Variants in PDZD2 observed in about 807,000 individuals in gnomAD.
PDZD2 encodes the protein PDZ domain containing 2, also known as PDZ domain-containing protein 2.
Under a neutral mutation model 220.7 loss-of-function variants are expected in PDZD2, and 90 were observed. The ratio of observed to expected loss-of-function variants is 0.41; its 90% confidence interval spans 0.34 to 0.49. PDZD2 has a LOEUF of 0.49. Among genes scored for constraint, PDZD2 ranks in the 20% least tolerant of loss-of-function variants. The probability of loss-of-function intolerance (pLI) is 0.28; values close to 1 mark genes in which losing one functional copy is unlikely to be tolerated. For missense variants in PDZD2, 3,174 were observed against 3,608.5 expected (o/e 0.88, Z 3.08); for synonymous variants, 1,375 against 1,450.5 (o/e 0.95, Z 1.18).
intron 6 of PDZD2, among the ~76,000 whole-genome samples, chr5:32,024,086 A>T (rs149342198): frequency 1.2e-3 from 181 of 152,324 alleles, no homozygotes; most frequent in African/African-American, 4.0e-3. Context: ...ATTCTGCTTC[A>T]TGATTGCCCC....
chr5:31,682,026 C>T (rs1746671025), intron 1 of PDZD2, among the ~76,000 whole-genome samples: 1 of 152,136 alleles, frequency 6.6e-6, no homozygotes, highest in South Asian at 2.1e-4. Flanking sequence ...TGGAACATCG[C>T]ATTCTTTCTT....
intron 1 of PDZD2, among the ~76,000 whole-genome samples, chr5:31,752,089 T>TTTTTTTTTTTTTTTTTTTTG (rs1169621744): frequency 1.4e-5 from 2 of 141,102 alleles, no homozygotes; most frequent in Non-Finnish European, 1.5e-5. Flanking sequence ...TTTTTTTTTT[T>TTTTTTTTTTTTTTTTTTTTG]TCTGAGACAA....
intron 1 of PDZD2, among the ~76,000 whole-genome samples, chr5:31,769,330 C>T (rs910291718): frequency 6.6e-6 from 1 of 152,236 alleles, no homozygotes; most frequent in African/African-American, 2.4e-5. Context: ...GGACCTGTTT[C>T]ACCTCACTGA....
At chr5:31,698,818 G>A (rs1747489724) in intron 1 of PDZD2, among the ~76,000 whole-genome samples, 1 of 152,210 alleles carries the variant, frequency 6.6e-6, no homozygotes. Flanking sequence ...GGAAGTACCT[G>A]CAGATTCGGG....
rs1030071976 is a variant in PDZD2, at chr5:32,089,148, C to A, written c.5700C>A (p.Ala1900=). 1 of 1,614,042 alleles carries A rather than the reference C, an allele frequency of 6.2e-7. No individual in the cohort carries two copies. Among genetic ancestry groups the A allele is most frequent in the Admixed American group, 1.7e-5 (1 of 60,014 alleles). The part of the protein sequence containing the change: ...LKGKAKVNSE[A]PAANAVKAGG... ...GCAAGGCCAAAGTCAACTCTGAGGC[C>A]CCTGCTGCGAATGCTGTGAAGGCTG... Residue 1900 remains alanine, a synonymous_variant, in exon 20 of 25, where the codon GCC becomes GCA. Coordinates refer to ENST00000438447, the MANE Select transcript of PDZD2 (RefSeq NM_178140.4).
intron 14 of PDZD2, among the ~76,000 whole-genome samples, chr5:32,062,955 A>G (rs1386003654): frequency 6.6e-6 from 1 of 152,074 alleles, no homozygotes; most frequent in Admixed American, 6.5e-5. Flanking sequence ...GCCAACGGAC[A>G]TAGTATGTCA....
intron 23 of PDZD2, chr5:32,100,860 A>G (rs748273717): frequency 1.6e-5 from 25 of 1,551,558 alleles, no homozygotes; most frequent in Non-Finnish European, 2.0e-5. Context: ...CAATGCTTGC[A>G]GAAAACACAG....
rs1274920153 is a variant in PDZD2, at chr5:32,098,580, G to A, written c.8164G>A (p.Ala2722Thr). The A allele has an allele frequency of 1.2e-6, 2 of 1,614,174 alleles. No homozygotes were observed. Among genetic ancestry groups the A allele is most frequent in the East Asian group, 2.2e-5 (1 of 44,884 alleles). ...CTCTGCCCGGCAGGAGCCTCCCACA[G>A]CCAATGGGAAGGGTTTGCTGTCCAG... ...RPSARQEPPTANGKGLLSRKT... is the reference protein window; with the variant it reads ...RPSARQEPPTTNGKGLLSRKT... Residue 2722 changes from alanine to threonine, a missense_variant, in exon 23 of 25, where the codon GCC (alanine) becomes ACC (threonine). This residue lies in a region of PDZD2 where 631 missense variants were observed against 789.9 expected (regional missense o/e 0.80). Transcript: ENST00000438447. The surrounding 1 kb of genome is among the most constrained non-coding windows in gnomAD (Gnocchi z 4.1).
At chr5:31,819,131 C>G (rs1554079094) in intron 2 of PDZD2, among the ~76,000 whole-genome samples, 1 of 152,224 alleles carries the variant, frequency 6.6e-6, no homozygotes, top group Non-Finnish European at 1.5e-5. Flanking sequence ...TACAAGTACT[C>G]TGTTAATGTC....
intron 2 of PDZD2, among the ~76,000 whole-genome samples, chr5:31,921,944 G>C (rs952940): frequency 0.88 from 134,439 of 152,238 alleles, 59,567 homozygotes; most frequent in East Asian, 0.98. Context: ...GGCTGTTGTT[G>C]TTACTACCAG....
At position 31,667,235 on chromosome 5, in the gene PDZD2, C is replaced by CAAAA. The variant is rs3031718; in HGVS notation, c.-361+27817_-361+27820dup. Among the ~76,000 whole-genome samples the CAAAA allele has an allele frequency of 6.9e-3, 361 of 52,230 alleles. 17 individuals are homozygous for CAAAA. The highest frequency in any genetic ancestry group is 0.018 in the Middle Eastern group (1 of 56). 34.3% of individuals were successfully genotyped at this position (52,230 alleles called of 152,430 possible). On this transcript the variant is annotated intron_variant, in intron 1 of 24. Coordinates refer to ENST00000438447, the MANE Select transcript of PDZD2 (RefSeq NM_178140.4). ...TGAGTGACAGAGCAAGACTCCGTCT[C>CAAAA]AAAAAAAAAAAAAAAAAAAAAAGAG...
In PDZD2 at chr5:31,799,330, G is replaced by A. The variant is rs1754245482; in HGVS notation, c.82G>A (p.Asp28Asn). 6.2e-7 allele frequency: 1 copy of A among 1,614,222 alleles called. No homozygotes were observed. Among genetic ancestry groups the A allele is most frequent in the Non-Finnish European group, 8.5e-7 (1 of 1,180,042 alleles). Reference sequence around the variant, plus strand: ...GCAGAACAGCCTGCAGGAAGGTGGGGATGGGCCGGAGCAGCGGCTCTGCCA... The same window carrying A: ...GCAGAACAGCCTGCAGGAAGGTGGGAATGGGCCGGAGCAGCGGCTCTGCCA... ...WLQNSLQEGG[D>N]GPEQRLCQAA... Residue 28 changes from aspartate to asparagine, a missense_variant, in exon 2 of 25, where the codon GAT (aspartate) becomes AAT (asparagine). Physicochemically the swap from Asp to Asn is conservative, Grantham distance 23. This residue lies in a region of PDZD2 where 632 missense variants were observed against 708.1 expected (regional missense o/e 0.89). Coordinates refer to ENST00000438447, the MANE Select transcript of PDZD2 (RefSeq NM_178140.4).
In PDZD2 at chr5:31,689,347, A is replaced by ATT. The variant is rs1561385104; in HGVS notation, c.-361+49911_-361+49912insTT. Among the ~76,000 whole-genome samples, 9 of 31,514 alleles carry ATT rather than the reference A, an allele frequency of 2.9e-4. 1 individual carries two copies. The highest frequency in any genetic ancestry group is 2.0e-3 in the African/African-American group (9 of 4,558). The allele number at this position is 31,514 out of a possible 152,430, so 20.7% of individuals were successfully genotyped here. On this transcript the variant is annotated intron_variant, in intron 1 of 24. Coordinates refer to ENST00000438447, the MANE Select transcript of PDZD2 (RefSeq NM_178140.4). Reference sequence around the variant, plus strand: ...TATATATACATATACATATATATATATATATATTTTTTTTTTTTTTTTTTT... The same window carrying ATT: ...TATATATACATATACATATATATATATTTATATATTTTTTTTTTTTTTTTTTT...
chr5:32,025,305 C>T (rs967801475), intron 6 of PDZD2, among the ~76,000 whole-genome samples: 11 of 152,070 alleles, frequency 7.2e-5, no homozygotes, highest in Non-Finnish European at 1.5e-4. Flanking sequence ...GAGGGCGGAT[C>T]ACCTGAGGTC....
chr5:31,992,906 G>A (rs1038434491), intron 3 of PDZD2, among the ~76,000 whole-genome samples: 7 of 149,636 alleles, frequency 4.7e-5, no homozygotes, highest in South Asian at 2.1e-4. Context: ...CGCGTGTGCC[G>A]TGAGGCCGCC....
Position 31,820,293 on chromosome 5 carries a change from T to C in PDZD2, c.476+20569T>C, listed in dbSNP as rs555657937. ...GTTCTTCCTGTGGTTGCAGGCTTGG[T>C]TCATCTAGGCATGCTGAGGTCACAT... is the stretch of plus-strand genomic sequence containing the variant. On this transcript the variant is annotated intron_variant, in intron 2 of 24. Transcript: ENST00000438447. Among the ~76,000 whole-genome samples, 4 of 152,298 alleles carry C rather than the reference T, an allele frequency of 2.6e-5. No individual in the cohort carries two copies. The South Asian group carries it at 8.3e-4, about 32-fold the overall frequency.
At chr5:32,039,206 CG>C (rs1163400894) in intron 7 of PDZD2, among the ~76,000 whole-genome samples, 2 of 149,806 alleles carry the variant, frequency 1.3e-5, no homozygotes, top group Non-Finnish European at 2.9e-5. Flanking sequence ...CTCAGGCTCC[CG>C]TGATTCTTCT....
At chr5:31,822,271 CTTTTTTT>C (rs34010630) in intron 2 of PDZD2, among the ~76,000 whole-genome samples, 2 of 100,596 alleles carry the variant, frequency 2.0e-5, no homozygotes, top group African/African-American at 3.9e-5. Context: ...TTCACGCAAT[CTTTTTTT>C]TTTTTTTTTT....
chr5:32,071,523 A>G, intron 16 of PDZD2, 105 bp downstream of exon 16: 1 of 866,794 alleles, frequency 1.2e-6, no homozygotes, highest in Admixed American at 1.9e-5. Flanking sequence ...TCTGCCCATG[A>G]GTCATTTTTG....
Sources: gnomAD v4.1 joint callset for allele counts (sites outside exome capture counted in the v4.1 genomes callset) on GRCh38, gnomAD v4.1.1 for gene constraint, gnomAD v4.1.1 regional missense constraint, Gnocchi (gnomAD v3.1) non-coding constraint, MANE v1.5 for transcripts, NCBI Gene and HGNC (gene_info 2026-07-23, HGNC 2026-07-21) for gene names.